The following NDST4 variants were observed in gnomAD, a reference collection of about 807,000 sequenced individuals.
NDST4 encodes N-deacetylase and N-sulfotransferase 4.
In NDST4, 63 loss-of-function variants were observed where a neutral mutation model predicts 100.8. That is an observed-to-expected ratio of 0.62 (90% confidence interval 0.51 to 0.77). NDST4 has a LOEUF of 0.77. Among genes scored for constraint, NDST4 ranks in the 30% least tolerant of loss-of-function variants. NDST4 has a pLI of 0.00. For synonymous variants in NDST4, 377 were observed against 361.8 expected (o/e 1.04, Z -0.48); for missense variants, 943 against 1,018.4 (o/e 0.93, Z 1.01).
chr4:114,838,143 G>A (rs996722147), intron 11 of NDST4, among the ~76,000 whole-genome samples: 8 of 152,142 alleles, frequency 5.3e-5, no homozygotes, highest in African/African-American at 1.9e-4. Context: ...CAGTTAGAAT[G>A]GTGATCATTA....
chr4:115,106,714 T>C (rs1379102996), intron 1 of NDST4, among the ~76,000 whole-genome samples: 1 of 152,164 alleles, frequency 6.6e-6, no homozygotes, highest in East Asian at 1.9e-4. Flanking sequence ...GATGGACCCA[T>C]GGATACTAAG....
intron 2 of NDST4, among the ~76,000 whole-genome samples, chr4:115,026,189 T>C (rs530325695): frequency 1.3e-5 from 2 of 152,142 alleles, no homozygotes; most frequent in African/African-American, 2.4e-5. Flanking sequence ...ACATGTTGTA[T>C]AATTGGCTTT....
At chr4:114,932,145 C>T (rs1426084821) in intron 6 of NDST4, among the ~76,000 whole-genome samples, 2 of 151,848 alleles carry the variant, frequency 1.3e-5, no homozygotes, top group African/African-American at 2.4e-5. Flanking sequence ...ATTAATACAC[C>T]ACAATCATGT....
In NDST4 at chr4:114,927,532, T is replaced by C. The variant is rs114634820; in HGVS notation, c.1536+7674A>G. ...TTAGGGGCTTTTCATTATTTCCTTTTAAATTTCACCCTGTTAGATTTGCTT... is the reference window on the plus strand; with the variant it reads ...TTAGGGGCTTTTCATTATTTCCTTTCAAATTTCACCCTGTTAGATTTGCTT... On this transcript the variant is annotated intron_variant, in intron 6 of 13. Transcript: ENST00000264363. 5.4e-3 allele frequency among the ~76,000 whole-genome samples: 818 copies of C among 152,170 alleles called. 8 individuals carry two copies. The highest frequency in any genetic ancestry group is 5.9e-3 in the Non-Finnish European group (401 of 67,926).
chr4:114,839,678 A>T, intron 10 of NDST4, 130 bp from the exon 11 acceptor site: 1 of 616,436 alleles, frequency 1.6e-6, no homozygotes, highest in Non-Finnish European at 2.7e-6. Context: ...CCTTTATGTC[A>T]CAAAATAATA....
At chr4:114,994,085 C>T (rs1727108426) in intron 2 of NDST4, among the ~76,000 whole-genome samples, 1 of 151,884 alleles carries the variant, frequency 6.6e-6, no homozygotes, top group South Asian at 2.1e-4. Flanking sequence ...AATTCATATT[C>T]TTGTTTCTAT....
At chr4:114,909,756 C>T (rs947561941) in intron 6 of NDST4, among the ~76,000 whole-genome samples, 8 of 150,880 alleles carry the variant, frequency 5.3e-5, no homozygotes, top group African/African-American at 9.8e-5. Flanking sequence ...AAGATATCAT[C>T]GGTTTCCTTG....
At position 114,876,860 on chromosome 4, in the gene NDST4, T is replaced by A. The variant is rs142040143; in HGVS notation, c.1537-5910A>T. ...AATTTACTTATATAACTTTACAAAG[T>A]GGTTTTATGTGCACTTTTGTTGTGT... is the stretch of plus-strand genomic sequence containing the variant. On this transcript the variant is annotated intron_variant, in intron 6 of 13. Coordinates refer to ENST00000264363, the MANE Select transcript of NDST4 (RefSeq NM_022569.3). Among the ~76,000 whole-genome samples, 251 of 152,284 alleles carry A rather than the reference T, an allele frequency of 1.6e-3. 1 individual carries two copies. Among genetic ancestry groups the A allele is most frequent in the African/African-American group, 5.9e-3 (245 of 41,564 alleles).
At chr4:114,937,719 T>G (rs1012782255) in intron 4 of NDST4, among the ~76,000 whole-genome samples, 3 of 152,038 alleles carry the variant, frequency 2.0e-5, no homozygotes, top group Non-Finnish European at 2.9e-5. Context: ...ATGTGGTGTG[T>G]GGGTGAGATT....
chr4:115,055,630 A>C (rs2126280886), intron 2 of NDST4, among the ~76,000 whole-genome samples: 1 of 152,206 alleles, frequency 6.6e-6, no homozygotes, highest in South Asian at 2.1e-4. Context: ...GGCCTTTTTA[A>C]CTTATTACTG....
rs1437530676 is a variant in NDST4 at position 115,076,797 on chromosome 4, G to A, written c.240C>T (p.Val80=). ...PIDTSKTDPT[V]LLFVESQYSQ... ...AGTATTGGCTCTCCACGAAGAGAAG[G>A]ACAGTAGGGTCCGTTTTGGATGTGT... Residue 80 remains valine, a synonymous_variant, in exon 2 of 14, where the codon GTC becomes GTT. Coordinates refer to ENST00000264363, the MANE Select transcript of NDST4 (RefSeq NM_022569.3). 6.2e-7 allele frequency: 1 copy of A among 1,613,922 alleles called. No homozygotes were observed. Among genetic ancestry groups the A allele is most frequent in the Non-Finnish European group, 8.5e-7 (1 of 1,179,918 alleles).
intron 2 of NDST4, among the ~76,000 whole-genome samples, chr4:115,021,197 G>A (rs1410227886): frequency 6.8e-6 from 1 of 147,534 alleles, no homozygotes. Flanking sequence ...AGAAACTGTG[G>A]TATATATATT....
intron 6 of NDST4, among the ~76,000 whole-genome samples, chr4:114,934,347 C>A (rs553589775): frequency 4.6e-5 from 7 of 151,824 alleles, no homozygotes; most frequent in African/African-American, 1.7e-4. Context: ...GTCAGGAGAT[C>A]GAGACCATCC....
intron 4 of NDST4, among the ~76,000 whole-genome samples, chr4:114,951,671 A>C (rs527776973): frequency 6.6e-6 from 1 of 152,252 alleles, no homozygotes; most frequent in Non-Finnish European, 1.5e-5. Flanking sequence ...ATTATAGCAC[A>C]GGAATTTTAA....
chr4:114,883,246 G>A (rs72681404), intron 6 of NDST4, among the ~76,000 whole-genome samples: 2 of 151,846 alleles, frequency 1.3e-5, no homozygotes, highest in African/African-American at 4.8e-5. Flanking sequence ...TAAAAGTAAT[G>A]CATTGGGTGA....
At position 115,015,196 on chromosome 4, in the gene NDST4, G is replaced by A. The variant is rs559041147; in HGVS notation, c.979-37922C>T. On this transcript the variant is annotated intron_variant, in intron 2 of 13. Transcript: ENST00000264363. Reference sequence around the variant, plus strand: ...GTGTGTAATTGATATGAGGACCATGGACATTTCTCTCCCAACCTGCACCTA... The same window carrying A: ...GTGTGTAATTGATATGAGGACCATGAACATTTCTCTCCCAACCTGCACCTA... 7.2e-5 allele frequency among the ~76,000 whole-genome samples: 11 copies of A among 152,152 alleles called. No individual in the cohort carries two copies. In the East Asian group the frequency reaches 2.1e-3, roughly 30 times the overall value.
chr4:114,833,820 A>C (rs1723254319), intron 11 of NDST4, 105 bp from the exon 12 acceptor site: 2 of 656,722 alleles, frequency 3.0e-6, no homozygotes, highest in Non-Finnish European at 5.3e-6. Context: ...ATCAGTGTGA[A>C]TAGGAAGCAA....
chr4:114,844,198 A>T (rs952909264), intron 10 of NDST4, among the ~76,000 whole-genome samples: 3 of 152,174 alleles, frequency 2.0e-5, no homozygotes, highest in African/African-American at 7.2e-5. Context: ...CACTAAGTCT[A>T]TTGCAATAGC....
intron 4 of NDST4, among the ~76,000 whole-genome samples, chr4:114,953,083 G>T (rs907953276): frequency 6.9e-6 from 1 of 145,752 alleles, no homozygotes; most frequent in Non-Finnish European, 1.5e-5. Flanking sequence ...GAGACCATCA[G>T]CTCTTACTTT....
Sources: gnomAD v4.1 joint callset for allele counts (sites outside exome capture counted in the v4.1 genomes callset) on GRCh38, gnomAD v4.1.1 for gene constraint, MANE v1.5 for transcripts, NCBI Gene and HGNC (gene_info 2026-07-23, HGNC 2026-07-21) for gene names.